EYS: variants seen among roughly 807,000 people sequenced by gnomAD.
The protein encoded by EYS is EGF-like photoreceptor maintenance factor, also known as protein eyes shut homolog.
Under a neutral mutation model 282.1 loss-of-function variants are expected in EYS, and 250 were observed. That is an observed-to-expected ratio of 0.89 (90% confidence interval 0.80 to 0.98). The LOEUF is 0.98. Among genes scored for constraint, EYS ranks in the 50% least tolerant of loss-of-function variants. The pLI, the probability that EYS is intolerant of heterozygous loss-of-function variation, is 0.00. For missense variants in EYS, 4,016 were observed against 3,709.0 expected (o/e 1.08, Z -2.15); for synonymous variants, 1,355 against 1,282.9 (o/e 1.06, Z -1.20).
At chr6:65,407,021 G>A (rs890622697) in intron 5 of EYS, among the ~76,000 whole-genome samples, 2 of 151,916 alleles carry the variant, frequency 1.3e-5, no homozygotes, top group Admixed American at 1.3e-4. Context: ...AATATTATAG[G>A]AATTTTATTA....
intron 25 of EYS, 121 bp from the exon 26 acceptor site, chr6:64,592,110 T>C (rs551684989): frequency 1.2e-5 from 7 of 576,130 alleles, no homozygotes; most frequent in African/African-American, 9.4e-5. Flanking sequence ...TGTAGACAAA[T>C]ATGGTTCTGT....
At chr6:64,845,682 C>T (rs1170295694) in intron 19 of EYS, among the ~76,000 whole-genome samples, 4 of 152,088 alleles carry the variant, frequency 2.6e-5, no homozygotes, top group Admixed American at 2.6e-4. Flanking sequence ...TTCTAAGCGT[C>T]AGATCCTCTT....
At chr6:64,693,739 C>T in intron 22 of EYS, among the ~76,000 whole-genome samples, 1 of 151,574 alleles carries the variant, frequency 6.6e-6, no homozygotes, top group East Asian at 1.9e-4. Context: ...AATAGCGTAG[C>T]CATTAATTTT....
intron 19 of EYS, among the ~76,000 whole-genome samples, chr6:64,824,059 T>C (rs1764977526): frequency 6.6e-6 from 1 of 151,906 alleles, no homozygotes; most frequent in Non-Finnish European, 1.5e-5. Flanking sequence ...TCACTCTCCA[T>C]GACTAGAGTG....
chr6:65,119,554 T>G (rs1394088550), intron 12 of EYS, among the ~76,000 whole-genome samples: 1 of 151,640 alleles, frequency 6.6e-6, no homozygotes, highest in African/African-American at 2.4e-5. Flanking sequence ...TCCCAAGCAC[T>G]TTTAGGGTCC....
At chr6:65,450,629 T>C (rs961034022) in intron 5 of EYS, among the ~76,000 whole-genome samples, 1 of 152,136 alleles carries the variant, frequency 6.6e-6, no homozygotes, top group African/African-American at 2.4e-5. Context: ...GTCACAGATA[T>C]GCAGATGTGC....
intron 2 of EYS, among the ~76,000 whole-genome samples, chr6:65,518,100 A>G (rs1767210901): frequency 6.6e-6 from 1 of 152,104 alleles, no homozygotes; most frequent in Non-Finnish European, 1.5e-5. Context: ...TATTTGATAA[A>G]TGAAGAAACT....
intron 13 of EYS, among the ~76,000 whole-genome samples, chr6:65,038,730 A>T (rs1772842638): frequency 6.6e-6 from 1 of 151,462 alleles, no homozygotes; most frequent in African/African-American, 2.4e-5. Context: ...ACTTTGAGTT[A>T]CTTCACATTT....
At chr6:64,255,062 C>T (rs1448975111) in intron 30 of EYS, among the ~76,000 whole-genome samples, 1 of 152,038 alleles carries the variant, frequency 6.6e-6, no homozygotes, top group East Asian at 1.9e-4. Context: ...TAAAAGAATA[C>T]TAATTGCTAT....
chr6:65,119,475 G>A (rs1437724072), intron 12 of EYS, among the ~76,000 whole-genome samples: 3 of 151,902 alleles, frequency 2.0e-5, no homozygotes, highest in Admixed American at 6.6e-5. Context: ...GTAAACTTGA[G>A]TCATTATCAG....
intron 30 of EYS, among the ~76,000 whole-genome samples, chr6:64,278,717 A>ACTCTCTCTCTCTCTCTCTCTCTCT (rs113366162): frequency 7.0e-6 from 1 of 142,056 alleles, no homozygotes; most frequent in African/African-American, 2.6e-5. Context: ...TCAGCCAAAA[A>ACTCTCTCTCTCTCTCTCTCTCTCT]CTCTCTCTCT....
intron 26 of EYS, among the ~76,000 whole-genome samples, chr6:64,448,489 G>A (rs891822898): frequency 1.2e-4 from 18 of 152,306 alleles, no homozygotes; most frequent in African/African-American, 2.6e-4. Context: ...GTCCCTGTCC[G>A]ATAGCTTTGA....
chr6:64,604,230 T>C (rs886389999), intron 24 of EYS, among the ~76,000 whole-genome samples: 2 of 152,026 alleles, frequency 1.3e-5, no homozygotes, highest in African/African-American at 4.8e-5. Context: ...GTCATGAAAG[T>C]TTAAAATGTC....
chr6:64,414,587 T>TA (rs1179579945), intron 28 of EYS, among the ~76,000 whole-genome samples: 2 of 152,140 alleles, frequency 1.3e-5, no homozygotes, highest in Admixed American at 6.6e-5. Context: ...CATGAAGAGT[T>TA]AAAAAAAGAT....
At chr6:64,392,072 C>T (rs1309244151) in intron 28 of EYS, among the ~76,000 whole-genome samples, 3 of 151,832 alleles carry the variant, frequency 2.0e-5, no homozygotes, top group Non-Finnish European at 4.4e-5. Flanking sequence ...ACAAGAAGAG[C>T]TAACTATCCT....
intron 12 of EYS, among the ~76,000 whole-genome samples, chr6:65,198,534 G>A (rs841533): frequency 1.1e-4 from 16 of 151,860 alleles, no homozygotes; most frequent in Admixed American, 2.6e-4. Context: ...ACAAACACAC[G>A]AATAATGCAT....
intron 41 of EYS, among the ~76,000 whole-genome samples, chr6:63,741,608 C>T: frequency 6.6e-6 from 1 of 152,152 alleles, no homozygotes; most frequent in East Asian, 1.9e-4. Context: ...AGGAGTCAGC[C>T]AATAAGTAGC....
At chr6:65,121,098 A>G (rs1775534811) in intron 12 of EYS, among the ~76,000 whole-genome samples, 1 of 150,452 alleles carries the variant, frequency 6.6e-6, no homozygotes, top group South Asian at 2.1e-4. Context: ...CCTTCTTGTC[A>G]TTCTTGGTGG....
intron 35 of EYS, among the ~76,000 whole-genome samples, chr6:63,878,909 G>A (rs558155763): frequency 6.6e-5 from 10 of 152,294 alleles, no homozygotes; most frequent in South Asian, 4.1e-4. Context: ...GGAATTCCCC[G>A]ACTCCTTATG....
Sources: allele counts gnomAD v4.1 joint callset (sites outside exome capture counted in the v4.1 genomes callset), GRCh38; gene constraint gnomAD v4.1.1; transcripts MANE v1.5; gene names NCBI Gene and HGNC (gene_info 2026-07-23, HGNC 2026-07-21).